FREM2: variants seen among roughly 807,000 people sequenced by gnomAD.
The protein encoded by FREM2 is FRAS1-related extracellular matrix protein 2.
Under a neutral mutation model 219.9 loss-of-function variants are expected in FREM2, and 119 were observed. The observed-to-expected ratio is 0.54, with a 90% confidence interval of 0.47 to 0.63. FREM2 has a LOEUF of 0.63. FREM2 is among the 30% of genes least tolerant of loss of function. The probability of loss-of-function intolerance (pLI) is 0.00; values close to 1 mark genes in which losing one functional copy is unlikely to be tolerated. For missense variants in FREM2, 4,030 were observed against 3,993.6 expected (o/e 1.01, Z -0.25); for synonymous variants, 1,562 against 1,522.8 (o/e 1.03, Z -0.60).
intron 6 of FREM2, among the ~76,000 whole-genome samples, chr13:38,807,405 C>T (rs888921534): frequency 7.3e-5 from 11 of 150,208 alleles, no homozygotes; most frequent in African/African-American, 2.2e-4. Flanking sequence ...ATATTCTTAA[C>T]GACATCTAGA....
At chr13:38,877,442 G>A (rs1878381376) in intron 21 of FREM2, among the ~76,000 whole-genome samples, 199 bp downstream of exon 21, 1 of 152,024 alleles carries the variant, frequency 6.6e-6, no homozygotes, top group East Asian at 1.9e-4. Context: ...TTTTTTCTGA[G>A]GAAGCTAATC....
In FREM2 at chr13:38,850,981, C is replaced by T. The variant is rs773245067; in HGVS notation, c.6615C>T (p.Asp2205=). The T allele has an allele frequency of 1.6e-5, 26 of 1,613,234 alleles. No homozygotes were observed. Among genetic ancestry groups the T allele is most frequent in the South Asian group, 8.8e-5 (8 of 91,042 alleles). The change falls in exon 10 of 24, where the codon GAC becomes GAT. Residue 2205 remains aspartate (D), a synonymous_variant. Transcript: ENST00000280481. The stretch of plus-strand genomic sequence containing the variant: ...AGCCCTGCATTCTTGAGCTGATGGA[C>T]GATGTGCTCTATGAGGAGGTAGAGG... ...TEKPCILELM[D]DVLYEEVEEL...
At chr13:38,812,701 T>G (rs947787423) in intron 6 of FREM2, among the ~76,000 whole-genome samples, 1 of 151,830 alleles carries the variant, frequency 6.6e-6, no homozygotes, top group Non-Finnish European at 1.5e-5. Context: ...GGCAACATGG[T>G]GAAACCCTGT....
chr13:38,729,245 G>A (rs2138118040), intron 2 of FREM2, among the ~76,000 whole-genome samples: 1 of 152,100 alleles, frequency 6.6e-6, no homozygotes, highest in East Asian at 1.9e-4. Flanking sequence ...AAAGAACACA[G>A]CTCATGATTC....
intron 2 of FREM2, among the ~76,000 whole-genome samples, chr13:38,743,656 T>C (rs1000981418): frequency 1.3e-5 from 2 of 152,224 alleles, no homozygotes; most frequent in African/African-American, 4.8e-5. Context: ...AGTGTAATAA[T>C]AGCTGTTGAT....
chr13:38,774,336 A>ACATC (rs561637342), intron 4 of FREM2, among the ~76,000 whole-genome samples: 5 of 152,196 alleles, frequency 3.3e-5, no homozygotes, highest in Admixed American at 6.5e-5. Flanking sequence ...TGCTTATTAA[A>ACATC]CATCTACTCT....
chr13:38,851,877 C>G lies in FREM2; in HGVS notation c.6925+9C>G, dbSNP rs1773076731. Reference sequence around the variant, plus strand: ...CCACCCTGTGTCAGAAGGTATGGGGCTCCCAGGGCCTGTCTCCTGATGGAT... The same window carrying G: ...CCACCCTGTGTCAGAAGGTATGGGGGTCCCAGGGCCTGTCTCCTGATGGAT... On this transcript the variant is annotated intron_variant, in intron 11 of 23. Transcript: ENST00000280481. The G allele has an allele frequency of 6.2e-7, 1 of 1,611,672 alleles. No individual in the cohort carries two copies.
At chr13:38,813,059 A>C (rs565724148) in intron 6 of FREM2, among the ~76,000 whole-genome samples, 1 of 152,154 alleles carries the variant, frequency 6.6e-6, no homozygotes, top group South Asian at 2.1e-4. Context: ...TGATGGATTC[A>C]TCCTGTAGTC....
intron 6 of FREM2, among the ~76,000 whole-genome samples, chr13:38,803,156 A>C (rs1593416996): frequency 6.6e-6 from 1 of 152,164 alleles, no homozygotes; most frequent in East Asian, 1.9e-4. Flanking sequence ...ACTCAGGGCA[A>C]ATCTGAAATT....
chr13:38,711,619 A>G (rs1870772717), intron 2 of FREM2, among the ~76,000 whole-genome samples: 1 of 152,198 alleles, frequency 6.6e-6, no homozygotes, highest in Non-Finnish European at 1.5e-5. Context: ...TGTTTTTTAA[A>G]TAGAAGATTC....
At chr13:38,836,153 G>A (rs1403220488) in intron 6 of FREM2, among the ~76,000 whole-genome samples, 1 of 152,180 alleles carries the variant, frequency 6.6e-6, no homozygotes, top group East Asian at 1.9e-4. Context: ...TAGCATGAAG[G>A]AGTGTTGAAT....
intron 6 of FREM2, among the ~76,000 whole-genome samples, chr13:38,844,159 T>C (rs2137903887): frequency 6.6e-6 from 1 of 152,336 alleles, no homozygotes; most frequent in Non-Finnish European, 1.5e-5. Flanking sequence ...GTCTCCCTCC[T>C]TCTTTCTACA....
intron 2 of FREM2, among the ~76,000 whole-genome samples, chr13:38,704,199 T>C (rs1870447972): frequency 6.6e-6 from 1 of 152,198 alleles, no homozygotes; most frequent in African/African-American, 2.4e-5. Flanking sequence ...CTTTATCGAA[T>C]TACTCAACAA....
At chr13:38,847,704 A>G (rs1362772238) in intron 7 of FREM2, among the ~76,000 whole-genome samples, 3 of 152,198 alleles carry the variant, frequency 2.0e-5, no homozygotes, top group African/African-American at 7.2e-5. Flanking sequence ...TAAAGTAGAT[A>G]CAAAATGAGA....
rs372550483 is a variant in FREM2 at position 38,701,420 on chromosome 13, T to C, written c.5263+3633T>C. 1.7e-4 allele frequency among the ~76,000 whole-genome samples: 26 copies of C among 152,304 alleles called. No individual in the cohort carries two copies. In the East Asian group the frequency reaches 1.9e-3, roughly 11 times the overall value. ...TTTATATCTTCACGAAGGTAACTTA[T>C]AATAATACAGACCTGGGAAATACAT... is the stretch of plus-strand genomic sequence containing the variant. On this transcript the variant is annotated intron_variant, in intron 2 of 23. Transcript: ENST00000280481.
intron 2 of FREM2, among the ~76,000 whole-genome samples, chr13:38,753,935 G>T (rs953200453): frequency 2.7e-5 from 4 of 148,984 alleles, no homozygotes; most frequent in African/African-American, 9.9e-5. Context: ...TTTGTTGCAG[G>T]GGATCAAAAT....
At chr13:38,849,760 G>A (rs1877300444) in intron 8 of FREM2, among the ~76,000 whole-genome samples, 1 of 152,164 alleles carries the variant, frequency 6.6e-6, no homozygotes, top group South Asian at 2.1e-4. Flanking sequence ...TAAGAAACAT[G>A]TAGATACAAA....
At chr13:38,858,768 T>C (rs375043629) in intron 13 of FREM2, among the ~76,000 whole-genome samples, 19 of 152,238 alleles carry the variant, frequency 1.2e-4, no homozygotes, top group African/African-American at 4.6e-4. Flanking sequence ...ATTTGTTGGG[T>C]AGCGAAGAGT....
Position 38,811,440 on chromosome 13 carries a change from C to T in FREM2, c.6019+26632C>T, listed in dbSNP as rs374817869. On this transcript the variant is annotated intron_variant, in intron 6 of 23. Transcript: ENST00000280481. ...TGTTTTTTGATGTAAGCATTTATAG[C>T]TATAAGTTTCCCTTTTAGTACTGCT... Among the ~76,000 whole-genome samples, 133 of 152,092 alleles carry T rather than the reference C, an allele frequency of 8.7e-4. 1 individual carries two copies. The highest frequency in any genetic ancestry group is 3.2e-3 in the African/African-American group (132 of 41,526).
Sources: gnomAD v4.1 joint callset for allele counts (sites outside exome capture counted in the v4.1 genomes callset) on GRCh38, gnomAD v4.1.1 for gene constraint, MANE v1.5 for transcripts, NCBI Gene and HGNC (gene_info 2026-07-23, HGNC 2026-07-21) for gene names.